GRB2: variants seen among roughly 807,000 people sequenced by gnomAD.
GRB2 encodes growth factor receptor-bound protein 2.
In GRB2, 2 loss-of-function variants were observed where a neutral mutation model predicts 27.4. The ratio of observed to expected loss-of-function variants is 0.07; its 90% CI spans 0.03 to 0.23. The LOEUF is 0.23. Among genes scored for constraint, GRB2 ranks in the 10% least tolerant of loss-of-function variants. GRB2 has a pLI of 1.00. For missense variants in GRB2, 102 were observed against 282.4 expected (o/e 0.36, Z 4.58); for synonymous variants, 94 against 99.6 (o/e 0.94, Z 0.33).
chr17:75,329,169 C>T (rs1391195501), intron 3 of GRB2, among the ~76,000 whole-genome samples: 1 of 152,090 alleles, frequency 6.6e-6, no homozygotes, highest in Non-Finnish European at 1.5e-5. Flanking sequence ...ACCACTGCCA[C>T]TTCCAATAGC....
chr17:75,324,198 AGTTT>A (rs71159485), intron 4 of GRB2, among the ~76,000 whole-genome samples: 15 of 150,676 alleles, frequency 1.0e-4, no homozygotes, highest in African/African-American at 3.6e-4. Context: ...TAAGATATTC[AGTTT>A]GTTTGTTTGT....
At chr17:75,326,431 T>C in intron 3 of GRB2, 1 of 185,842 alleles carries the variant, frequency 5.4e-6, no homozygotes, top group South Asian at 1.1e-4. Context: ...TGTGATAAGA[T>C]CACAGCTTCA....
Position 75,362,624 on chromosome 17 carries a change from A to G in GRB2, c.79-29827T>C, listed in dbSNP as rs115741247. ...GGTGTTAAACAGAAACAGAAGTTCT[A>G]TCTGTTGTAAAGTTTATTCCACTGG... On this transcript the variant is annotated intron_variant, in intron 2 of 5. Transcript: ENST00000316804. Among the ~76,000 whole-genome samples, 1,444 of 152,302 alleles carry G rather than the reference A, an allele frequency of 9.5e-3. 27 individuals carry two copies. Among genetic ancestry groups the G allele is most frequent in the South Asian group, 0.048 (234 of 4,828 alleles).
chr17:75,338,832 C>G, intron 2 of GRB2: 1 of 762,318 alleles, frequency 1.3e-6, no homozygotes, highest in South Asian at 1.3e-5. Context: ...CGCAAATGGT[C>G]AACTTTCCTA....
chr17:75,348,414 C>A (rs552438214), intron 2 of GRB2, among the ~76,000 whole-genome samples: 2 of 152,128 alleles, frequency 1.3e-5, no homozygotes, highest in Non-Finnish European at 2.9e-5. Flanking sequence ...GTAATCTGAC[C>A]ATTACTAGAC....
intron 2 of GRB2, among the ~76,000 whole-genome samples, chr17:75,374,403 CAAAAA>C (rs56404809): frequency 2.9e-4 from 26 of 88,800 alleles, no homozygotes; most frequent in Admixed American, 8.3e-4. Flanking sequence ...GACTCCATAT[CAAAAA>C]AAAAAAAAAA....
At chr17:75,334,089 G>A (rs1355939624) in intron 2 of GRB2, among the ~76,000 whole-genome samples, 2 of 152,158 alleles carry the variant, frequency 1.3e-5, no homozygotes, top group African/African-American at 4.8e-5. Flanking sequence ...GCCTGAAACC[G>A]TGGATAGTAC....
intron 2 of GRB2, among the ~76,000 whole-genome samples, chr17:75,391,652 C>A (rs1317395958): frequency 2.6e-5 from 4 of 151,970 alleles, no homozygotes; most frequent in African/African-American, 4.8e-5. Context: ...ACTAAAAATT[C>A]AAAAAATTAG....
At chr17:75,378,012 T>C (rs1295080278) in intron 2 of GRB2, among the ~76,000 whole-genome samples, 1 of 152,200 alleles carries the variant, frequency 6.6e-6, no homozygotes, top group Non-Finnish European at 1.5e-5. Flanking sequence ...CCCAGGTCGA[T>C]TCTCATTTGC....
chr17:75,393,633 A>AG lies in GRB2; in HGVS notation c.-6dup, dbSNP rs2079011898. On this transcript the variant is annotated 5_prime_UTR_variant, in exon 2 of 6. Coordinates refer to ENST00000316804, the MANE Select transcript of GRB2 (RefSeq NM_002086.5). ...ATATTTGGCGATGGCTTCCATTCTGAGCGCTGCTCAGTGCTCAGCAGCCTG... is the reference window on the plus strand; with the variant it reads ...ATATTTGGCGATGGCTTCCATTCTGAGGCGCTGCTCAGTGCTCAGCAGCCTG... 2 of 1,612,960 alleles carry AG rather than the reference A, an allele frequency of 1.2e-6. No individual in the cohort carries two copies. Among genetic ancestry groups the AG allele is most frequent in the South Asian group, 2.2e-5 (2 of 91,064 alleles).
intron 2 of GRB2, among the ~76,000 whole-genome samples, chr17:75,377,589 C>T (rs895554628): frequency 8.6e-6 from 1 of 115,792 alleles, no homozygotes; most frequent in Non-Finnish European, 1.7e-5. Context: ...GAGCGAGACC[C>T]TGTCTCAGAA....
At chr17:75,359,765 A>C (rs896306544) in intron 2 of GRB2, among the ~76,000 whole-genome samples, 4 of 152,112 alleles carry the variant, frequency 2.6e-5, no homozygotes, top group Admixed American at 1.3e-4. Context: ...TGGCAAACTC[A>C]AGACCTAATT....
chr17:75,353,368 A>T (rs930022993), intron 2 of GRB2, among the ~76,000 whole-genome samples: 5 of 152,068 alleles, frequency 3.3e-5, no homozygotes, highest in Non-Finnish European at 7.4e-5. Context: ...TCCGTGTATA[A>T]GCGGAACCAT....
chr17:75,391,963 G>GA (rs1198240232), intron 2 of GRB2, among the ~76,000 whole-genome samples: 2 of 152,184 alleles, frequency 1.3e-5, no homozygotes, highest in East Asian at 3.9e-4. Context: ...ATAAACTTAT[G>GA]AAAAAATCTA....
At chr17:75,403,359 CATG>C (rs755845504) in intron 1 of GRB2, among the ~76,000 whole-genome samples, 33 of 151,984 alleles carry the variant, frequency 2.2e-4, no homozygotes, top group Non-Finnish European at 4.0e-4. Context: ...CAACATGCAA[CATG>C]ATAACAGCAA....
At position 75,318,136 on chromosome 17, in the gene GRB2, CAG is replaced by C. The variant is rs1401953246; in HGVS notation, c.*2230_*2231del. 1.3e-5 allele frequency: 2 copies of C among 152,568 alleles called. No individual in the cohort carries two copies. The highest frequency in any genetic ancestry group is 2.9e-5 in the Non-Finnish European group (2 of 68,044). 9.5% of individuals were successfully genotyped at this position (152,568 alleles called of 1,614,324 possible). On this transcript the variant is annotated 3_prime_UTR_variant, in exon 6 of 6. Transcript: ENST00000316804. ...ATCACTACCTACCAAATGCTATCCG[CAG>C]AGTTAAAGGATTAAGTACATAGGTC...
At chr17:75,323,442 C>CA (rs2078474402) in intron 4 of GRB2, among the ~76,000 whole-genome samples, 2 of 152,094 alleles carry the variant, frequency 1.3e-5, no homozygotes, top group African/African-American at 2.4e-5. Context: ...CCCAGGGCCC[C>CA]AATAATGAGC....
intron 2 of GRB2, among the ~76,000 whole-genome samples, chr17:75,354,617 A>G (rs895367597): frequency 6.6e-6 from 1 of 152,096 alleles, no homozygotes; most frequent in Non-Finnish European, 1.5e-5. Flanking sequence ...CCATGGAAAA[A>G]TTGTCTTCCA....
At chr17:75,326,116 G>A in intron 3 of GRB2, 96 bp from the exon 4 acceptor site, 2 of 1,422,476 alleles carry the variant, frequency 1.4e-6, no homozygotes, top group South Asian at 2.3e-5. Flanking sequence ...CTCCTTGCCA[G>A]AGGAAGGGGC....
Sources: allele counts gnomAD v4.1 joint callset (sites outside exome capture counted in the v4.1 genomes callset), GRCh38; gene constraint gnomAD v4.1.1; transcripts MANE v1.5; gene names NCBI Gene and HGNC (gene_info 2026-07-23, HGNC 2026-07-21).